Variants in NRG1 observed in about 807,000 individuals in gnomAD.
NRG1 encodes the protein pro-neuregulin-1, membrane-bound isoform.
NRG1 carries 18 observed loss-of-function variants against 63.8 expected under a neutral mutation model. The ratio of observed to expected loss-of-function variants is 0.28; its 90% CI spans 0.19 to 0.42. The LOEUF is 0.42. Ranked by LOEUF, NRG1 falls within the 10% of genes least tolerant of loss-of-function variation. NRG1 has a pLI of 1.00. For synonymous variants in NRG1, 302 were observed against 301.3 expected (o/e 1.00, Z -0.02); for missense variants, 762 against 814.7 (o/e 0.94, Z 0.79).
intron 1 of NRG1, among the ~76,000 whole-genome samples, chr8:32,158,977 T>C (rs568682414): frequency 6.6e-6 from 1 of 152,260 alleles, no homozygotes; most frequent in Non-Finnish European, 1.5e-5. Flanking sequence ...GGGTCAGTGC[T>C]GCCTCGCTGT....
rs190810552 is a variant in NRG1 at position 32,163,205 on chromosome 8, G to A, written c.38-432623G>A. ...CTGGTTTTCCAGCCTAGAGACCCAT[G>A]TGGCAGGAACTTGGCCTTCATCATT... On this transcript the variant is annotated intron_variant, in intron 1 of 10. Transcript: ENST00000519301. Among the ~76,000 whole-genome samples, 245 of 152,330 alleles carry A rather than the reference G, an allele frequency of 1.6e-3. 2 individuals are homozygous for A. The highest frequency in any genetic ancestry group is 3.5e-4 in the Non-Finnish European group (24 of 68,022).
intron 1 of NRG1, among the ~76,000 whole-genome samples, chr8:32,574,572 T>C (rs957239646): frequency 6.6e-6 from 1 of 152,092 alleles, no homozygotes; most frequent in African/African-American, 2.4e-5. Context: ...ATGACTAAGA[T>C]CTGGTCATTT....
intron 1 of NRG1, among the ~76,000 whole-genome samples, chr8:32,338,819 G>A (rs868157737): frequency 2.0e-5 from 3 of 152,024 alleles, no homozygotes; most frequent in Admixed American, 1.3e-4. Flanking sequence ...TGTATACTCC[G>A]GAGAATGTTC....
intron 1 of NRG1, among the ~76,000 whole-genome samples, chr8:32,286,517 G>A (rs1351544374): frequency 6.6e-6 from 1 of 152,238 alleles, no homozygotes; most frequent in Non-Finnish European, 1.5e-5. Flanking sequence ...CTTAATAGGA[G>A]GTGTGTGGGT....
At chr8:31,793,335 T>G (rs1450967575) in intron 1 of NRG1, among the ~76,000 whole-genome samples, 1 of 152,188 alleles carries the variant, frequency 6.6e-6, no homozygotes, top group Non-Finnish European at 1.5e-5. Context: ...GATGACATTT[T>G]CAATGCTGAA....
chr8:32,691,976 A>G (rs958394339), intron 5 of NRG1, among the ~76,000 whole-genome samples: 1 of 152,246 alleles, frequency 6.6e-6, no homozygotes, highest in South Asian at 2.1e-4. Flanking sequence ...AAATACCTTT[A>G]TTGAACATCC....
At chr8:31,959,281 A>G (rs983034842) in intron 1 of NRG1, among the ~76,000 whole-genome samples, 1 of 152,204 alleles carries the variant, frequency 6.6e-6, no homozygotes, top group Non-Finnish European at 1.5e-5. Context: ...TCTATTTTGT[A>G]TTAATGAATA....
chr8:32,183,953 A>C (rs1841700363), intron 1 of NRG1, among the ~76,000 whole-genome samples: 1 of 152,094 alleles, frequency 6.6e-6, no homozygotes, highest in African/African-American at 2.4e-5. Context: ...GTGTAGTTTC[A>C]GTTGTGTTGA....
intron 1 of NRG1, among the ~76,000 whole-genome samples, chr8:32,006,825 C>G (rs180845986): frequency 6.6e-6 from 1 of 152,080 alleles, no homozygotes; most frequent in Non-Finnish European, 1.5e-5. Context: ...TGACTTTGAC[C>G]TTGTGATAAC....
intron 1 of NRG1, among the ~76,000 whole-genome samples, chr8:32,444,835 G>A (rs983958531): frequency 1.3e-5 from 2 of 152,130 alleles, no homozygotes; most frequent in Non-Finnish European, 2.9e-5. Flanking sequence ...GCCCCTTTGA[G>A]CCTTGCCCAT....
intron 1 of NRG1, among the ~76,000 whole-genome samples, chr8:32,335,004 A>G (rs1210131448): frequency 1.3e-5 from 2 of 152,114 alleles, no homozygotes; most frequent in South Asian, 2.1e-4. Flanking sequence ...CAGTGTTATT[A>G]TTACTGCTTC....
rs1804086279 is a variant in NRG1, at chr8:32,341,611, G to T, written c.38-254217G>T. Among the ~76,000 whole-genome samples, 4 of 152,228 alleles carry T rather than the reference G, an allele frequency of 2.6e-5. No homozygotes were observed. In the South Asian group the frequency reaches 8.3e-4, roughly 32 times the overall value. On this transcript the variant is annotated intron_variant, in intron 1 of 10. Transcript: ENST00000519301. The stretch of plus-strand genomic sequence containing the variant: ...CCCTAACTCCTGCCTAGTTGCCCAG[G>T]CCACATAGGCACAGGCAGGGGAGCT...
chr8:31,916,766 T>G (rs1833426084), intron 1 of NRG1, among the ~76,000 whole-genome samples: 1 of 152,032 alleles, frequency 6.6e-6, no homozygotes, highest in Non-Finnish European at 1.5e-5. Flanking sequence ...TCTAGATCCC[T>G]GAGGAATCGC....
At chr8:32,035,423 T>C (rs910625271) in intron 1 of NRG1, among the ~76,000 whole-genome samples, 31 of 152,158 alleles carry the variant, frequency 2.0e-4, no homozygotes, top group Admixed American at 1.6e-3. Flanking sequence ...TCTGTTGTTT[T>C]GGGGTGGAGA....
intron 1 of NRG1, among the ~76,000 whole-genome samples, chr8:32,000,441 T>C (rs1812739573): frequency 2.6e-5 from 4 of 151,860 alleles, no homozygotes; most frequent in Admixed American, 2.6e-4. Flanking sequence ...TAATATTTTA[T>C]ATATTTTTAA....
intron 1 of NRG1, among the ~76,000 whole-genome samples, chr8:32,122,644 T>G (rs1833605626): frequency 6.6e-6 from 1 of 151,718 alleles, no homozygotes; most frequent in African/African-American, 2.4e-5. Context: ...ATTATTATAC[T>G]TTAAGTTTTA....
At chr8:31,959,059 T>C (rs1452306747) in intron 1 of NRG1, among the ~76,000 whole-genome samples, 1 of 152,198 alleles carries the variant, frequency 6.6e-6, no homozygotes, top group East Asian at 1.9e-4. Context: ...TCTGATAGCA[T>C]TATGATGAGG....
chr8:32,658,448 C>T (rs1802039765), intron 5 of NRG1, among the ~76,000 whole-genome samples: 1 of 152,126 alleles, frequency 6.6e-6, no homozygotes, highest in African/African-American at 2.4e-5. Context: ...TTGTTGACCC[C>T]TGTTATTTCG....
At chr8:32,008,554 A>G (rs1253198607) in intron 1 of NRG1, among the ~76,000 whole-genome samples, 1 of 152,032 alleles carries the variant, frequency 6.6e-6, no homozygotes, top group Non-Finnish European at 1.5e-5. Flanking sequence ...CATATTTTAT[A>G]CTAATATCTA....
Sources: gnomAD v4.1 joint callset for allele counts (sites outside exome capture counted in the v4.1 genomes callset) on GRCh38, gnomAD v4.1.1 for gene constraint, MANE v1.5 for transcripts, NCBI Gene and HGNC (gene_info 2026-07-23, HGNC 2026-07-21) for gene names.